Variants in ERCC8 observed in about 807,000 individuals in gnomAD.
ERCC8 encodes the protein DNA excision repair protein ERCC-8.
ERCC8 carries 52 observed loss-of-function variants against 54.9 expected under a neutral mutation model. The ratio of observed to expected loss-of-function variants is 0.95; its 90% CI spans 0.76 to 1.19. The LOEUF (loss-of-function observed/expected upper bound fraction) is 1.19, where lower values mean the gene tolerates loss of function less well. ERCC8 is among the 50% of genes most tolerant of loss of function. The probability of loss-of-function intolerance (pLI) is 0.00; values close to 1 mark genes in which losing one functional copy is unlikely to be tolerated. For synonymous variants in ERCC8, 146 were observed against 157.2 expected (o/e 0.93, Z 0.53); for missense variants, 514 against 466.1 (o/e 1.10, Z -0.95).
intron 9 of ERCC8, among the ~76,000 whole-genome samples, chr5:60,893,984 CTT>C (rs35254362): frequency 1.7e-3 from 186 of 109,814 alleles, no homozygotes; most frequent in Middle Eastern, 5.0e-3. Context: ...GGGAATTTAT[CTT>C]TTTTTTTTTT....
chr5:60,916,665 C>G (rs1045645478), intron 4 of ERCC8, among the ~76,000 whole-genome samples: 26 of 151,878 alleles, frequency 1.7e-4, no homozygotes, highest in Non-Finnish European at 4.4e-5. Flanking sequence ...TAGGACTATT[C>G]TAATGTAGCA....
At chr5:60,935,551 T>C (rs987594634) in intron 1 of ERCC8, among the ~76,000 whole-genome samples, 2 of 152,234 alleles carry the variant, frequency 1.3e-5, no homozygotes, top group Non-Finnish European at 2.9e-5. Flanking sequence ...CTGATTGCTC[T>C]GGCTGGGACT....
At position 60,899,501 on chromosome 5, in the gene ERCC8, A is replaced by G. The variant is rs1748811030; in HGVS notation, c.718+126T>C. On this transcript the variant is annotated intron_variant, in intron 8 of 11. Coordinates refer to ENST00000676185, the MANE Select transcript of ERCC8 (RefSeq NM_000082.4). ...TAAATTAAGAAAGTGATATACGATG[A>G]ATGCCTTTTGAAAAATCATAAAGTT... The G allele has an allele frequency of 1.6e-5, 11 of 694,216 alleles. No individual in the cohort carries two copies. The South Asian group carries it at 1.7e-4, about 11-fold the overall frequency. 43.0% of individuals were successfully genotyped at this position (694,216 alleles called of 1,614,324 possible).
rs1328498559 is a variant in ERCC8 at position 60,872,427 on chromosome 5, T to C, written c.*2188A>G. On this transcript the variant is annotated 3_prime_UTR_variant, in exon 12 of 12. Coordinates refer to ENST00000676185, the MANE Select transcript of ERCC8 (RefSeq NM_000082.4). ...TCTGATAGGGGGTTAATATCCAAAA[T>C]ACATAAGGAACTCAATAGCAGGAAA... 1.3e-5 allele frequency among the ~76,000 whole-genome samples: 2 copies of C among 151,910 alleles called. No homozygotes were observed. The highest frequency in any genetic ancestry group is 2.9e-5 in the Non-Finnish European group (2 of 67,972).
At chr5:60,908,994 T>G (rs1749164655) in intron 4 of ERCC8, among the ~76,000 whole-genome samples, 2 of 152,070 alleles carry the variant, frequency 1.3e-5, no homozygotes, top group African/African-American at 4.8e-5. Flanking sequence ...AAAGTCAGTA[T>G]AGTCATTATA....
At chr5:60,919,310 C>G (rs1040801777) in intron 3 of ERCC8, 1 of 151,916 alleles carries the variant, frequency 6.6e-6, no homozygotes, top group African/African-American at 2.4e-5. Flanking sequence ...GTTGGTGAAG[C>G]TGGGTGATTG....
chr5:60,938,822 C>T (rs1750171346), intron 1 of ERCC8, among the ~76,000 whole-genome samples: 2 of 152,042 alleles, frequency 1.3e-5, no homozygotes, highest in Non-Finnish European at 2.9e-5. Flanking sequence ...ATATAATGTC[C>T]TTCTTTAAAA....
At chr5:60,899,292 T>C (rs1281998328) in intron 8 of ERCC8, among the ~76,000 whole-genome samples, 2 of 151,998 alleles carry the variant, frequency 1.3e-5, no homozygotes, top group African/African-American at 4.8e-5. Flanking sequence ...AATGTTACTA[T>C]TTCTGTAATT....
intron 11 of ERCC8, among the ~76,000 whole-genome samples, chr5:60,879,930 C>T (rs2112460768): frequency 6.6e-6 from 1 of 152,266 alleles, no homozygotes; most frequent in Middle Eastern, 3.4e-3. Flanking sequence ...GGTTATTTTG[C>T]TCGTTAGTTG....
intron 2 of ERCC8, among the ~76,000 whole-genome samples, chr5:60,927,263 A>C (rs1387296376): frequency 6.6e-6 from 1 of 152,232 alleles, no homozygotes; most frequent in Non-Finnish European, 1.5e-5. Flanking sequence ...TACAGCTCTC[A>C]TGGTGGATGG....
rs779401349 is a variant in ERCC8 at position 60,873,052 on chromosome 5, T to A, written c.*1563A>T. On this transcript the variant is annotated 3_prime_UTR_variant, in exon 12 of 12. Transcript: ENST00000676185. ...AAACATTGGTCAAAGGATACAAAATTTCAGTTAAAAAGGGGGAATTAGTGC... is the reference window on the plus strand; with the variant it reads ...AAACATTGGTCAAAGGATACAAAATATCAGTTAAAAAGGGGGAATTAGTGC... 6.6e-6 allele frequency among the ~76,000 whole-genome samples: 1 copy of A among 152,096 alleles called. No homozygotes were observed. Among genetic ancestry groups the A allele is most frequent in the African/African-American group, 2.4e-5 (1 of 41,414 alleles).
chr5:60,903,749 ATCATAAG>A (rs778380701), intron 5 of ERCC8, 33 bp from the exon 6 acceptor site: 2 of 1,595,860 alleles, frequency 1.3e-6, no homozygotes, highest in Admixed American at 3.3e-5. Flanking sequence ...AGATAATTTT[ATCATAAG>A]TCATCATCAA....
chr5:60,898,302 T>A lies in ERCC8; in HGVS notation c.817A>T (p.Asn273Tyr). ...AGTGTGTTTTCTCCATTGGAACTATTCCAGAGCCTCATTCGATTATCTGTA... is the reference window on the plus strand; with the variant it reads ...AGTGTGTTTTCTCCATTGGAACTATACCAGAGCCTCATTCGATTATCTGTA... ...VGTDNRMRLW[N>Y]SSNGENTLVN... Residue 273 changes from asparagine (N) to tyrosine (Y), a missense_variant, in exon 9 of 12, where the codon AAT becomes TAT. Asn to Tyr is a moderately radical substitution (Grantham distance 143). Transcript: ENST00000676185. The A allele has an allele frequency of 6.2e-7, 1 of 1,613,678 alleles. No individual in the cohort carries two copies.
rs4647166 is a variant in ERCC8, at chr5:60,873,472, C to T, written c.*1143G>A. Among the ~76,000 whole-genome samples the T allele has an allele frequency of 0.024, 3,647 of 152,102 alleles. 60 individuals are homozygous for T. Among genetic ancestry groups the T allele is most frequent in the Non-Finnish European group, 0.037 (2,536 of 67,972 alleles). ...GGTGGATCATTTGAGGTCAGCAGTTCGCAACCAGCCTGGCCAACATGGTGA... is the reference window on the plus strand; with the variant it reads ...GGTGGATCATTTGAGGTCAGCAGTTTGCAACCAGCCTGGCCAACATGGTGA... On this transcript the variant is annotated 3_prime_UTR_variant, in exon 12 of 12. Coordinates refer to ENST00000676185, the MANE Select transcript of ERCC8 (RefSeq NM_000082.4).
chr5:60,874,680 TA>T lies in ERCC8; in HGVS notation c.1125del (p.Thr376GlnfsTer6), dbSNP rs1554071508. ...LYEPVPDDDETTTKSQLNPAF... is the reference protein window; with the variant it reads ...LYEPVPDDDEXTTKSQLNPAF... ...GCCGGATTTAATTGTGATTTTGTTGTAGTCTAAAAAAAAAAAAGATAAAGAA... is the reference window on the plus strand; with the variant it reads ...GCCGGATTTAATTGTGATTTTGTTGTGTCTAAAAAAAAAAAAGATAAAGAA... On this transcript the variant is annotated frameshift_variant and splice_region_variant, in exon 12 of 12. Transcript: ENST00000676185. LOFTEE classifies it high-confidence loss of function. 1.2e-6 allele frequency: 2 copies of T among 1,601,506 alleles called. No individual in the cohort carries two copies. The highest frequency in any genetic ancestry group is 1.3e-5 in the African/African-American group (1 of 74,092).
Position 60,922,256 on chromosome 5 carries a change from A to G in ERCC8, c.174-101T>C. The G allele has an allele frequency of 4.1e-6, 3 of 738,644 alleles. No homozygotes were observed. The East Asian group carries it at 8.2e-5, about 20-fold the overall frequency. 45.8% of individuals were successfully genotyped at this position (738,644 alleles called of 1,614,324 possible). On this transcript the variant is annotated intron_variant, in intron 2 of 11. Coordinates refer to ENST00000676185, the MANE Select transcript of ERCC8 (RefSeq NM_000082.4). ...TAAAAACTGATTTGCAAACACTCAA[A>G]TGTATTAAGGATACATTAATTTATA...
At chr5:60,916,649 AAAT>A (rs1749444293) in intron 4 of ERCC8, among the ~76,000 whole-genome samples, 1 of 152,008 alleles carries the variant, frequency 6.6e-6, no homozygotes, top group African/African-American at 2.4e-5. Context: ...AATAAATCTG[AAAT>A]AATAGGACTA....
rs1747855826 is a variant in ERCC8 at position 60,871,186 on chromosome 5, C to T, written c.*3429G>A. ...AAAATATACCAAGAAAAATATAGTA[C>T]AGTTCCAAGTCTTCACTAATAAACA... is the stretch of plus-strand genomic sequence containing the variant. On this transcript the variant is annotated 3_prime_UTR_variant, in exon 12 of 12. Coordinates refer to ENST00000676185, the MANE Select transcript of ERCC8 (RefSeq NM_000082.4). Among the ~76,000 whole-genome samples, 1 of 152,162 alleles carries T rather than the reference C, an allele frequency of 6.6e-6. No individual in the cohort carries two copies. Among genetic ancestry groups the T allele is most frequent in the African/African-American group, 2.4e-5 (1 of 41,446 alleles).
intron 4 of ERCC8, among the ~76,000 whole-genome samples, chr5:60,910,839 C>CGA (rs1749236311): frequency 6.6e-6 from 1 of 151,938 alleles, no homozygotes; most frequent in Admixed American, 6.6e-5. Context: ...GCTTCCTGTC[C>CGA]AGTTCCTATC....
Sources: gnomAD v4.1 joint callset for allele counts (sites outside exome capture counted in the v4.1 genomes callset) on GRCh38, gnomAD v4.1.1 for gene constraint, MANE v1.5 for transcripts, NCBI Gene and HGNC (gene_info 2026-07-23, HGNC 2026-07-21) for gene names.